The following LGALS8 variants were observed in gnomAD, a reference collection of about 807,000 sequenced individuals.
The protein encoded by LGALS8 is galectin 8, also known as galectin-8.
Under a neutral mutation model 35.9 loss-of-function variants are expected in LGALS8, and 30 were observed. The observed-to-expected ratio is 0.83, with a 90% CI of 0.62 to 1.13. The LOEUF is 1.13. LGALS8 is among the 50% of genes most tolerant of loss of function. The probability of loss-of-function intolerance (pLI) is 0.00; values close to 1 mark genes in which losing one functional copy is unlikely to be tolerated. For synonymous variants in LGALS8, 138 were observed against 136.1 expected, an observed-to-expected ratio of 1.01 and a Z score of -0.10; for missense variants, 366 against 388.7, an observed-to-expected ratio of 0.94 and a Z score of 0.49.
intron 9 of LGALS8, among the ~76,000 whole-genome samples, chr1:236,547,710 G>A (rs542587731): frequency 6.6e-6 from 1 of 152,312 alleles, no homozygotes; most frequent in Admixed American, 6.5e-5. Context: ...CCAGGAGCAA[G>A]GGGCAGGATG....
upstream of LGALS8, among the ~76,000 whole-genome samples, chr1:236,519,051 A>T (rs534889811): frequency 2.4e-4 from 36 of 152,228 alleles, 1 homozygote; most frequent in South Asian, 2.1e-4. Context: ...CTAGTTTTTT[A>T]AAAAATGTGG....
chr1:236,523,909 A>G (rs936942076), upstream of LGALS8: 4 of 355,300 alleles, frequency 1.1e-5, no homozygotes, highest in African/African-American at 4.3e-5. Flanking sequence ...TGGGGAGACC[A>G]CAGCAGTGAG....
chr1:236,539,285 G>A, intron 4 of LGALS8, 196 bp downstream of exon 4: 3 of 580,354 alleles, frequency 5.2e-6, no homozygotes, highest in Non-Finnish European at 9.4e-6. Flanking sequence ...CCAGCCAGTT[G>A]TTGCCATGCA....
Position 236,541,711 on chromosome 1 carries a change from G to T in LGALS8, c.522+1G>T. 1 of 1,469,998 alleles carries T rather than the reference G, an allele frequency of 6.8e-7. No individual in the cohort carries two copies. Among genetic ancestry groups the T allele is most frequent in the Non-Finnish European group, 9.3e-7 (1 of 1,075,556 alleles). The allele number at this position is 1,469,998 out of a possible 1,614,324, so 91.1% of individuals were successfully genotyped here. On this transcript the variant is annotated splice_donor_variant, in intron 6 of 9. Transcript: ENST00000366584. LOFTEE classifies it high-confidence loss of function. ...ACTGACAGAGATAAGTAGAGAAAAT[G>T]TAAATATTAAATCTTTTAATGAGCC...
chr1:236,523,111 T>G (rs371458299), upstream of LGALS8: 3 of 152,384 alleles, frequency 2.0e-5, no homozygotes, highest in African/African-American at 7.2e-5. Context: ...TATTTGTATT[T>G]CTGGCTGGTG....
rs1159774447 is a variant in LGALS8, at chr1:236,537,737, A to G, written c.134+152A>G. 4 of 667,422 alleles carry G rather than the reference A, an allele frequency of 6.0e-6. No homozygotes were observed. In the African/African-American group the frequency reaches 7.3e-5, roughly 12 times the overall value. The allele number at this position is 667,422 out of a possible 1,614,324, so 41.3% of individuals were successfully genotyped here. On this transcript the variant is annotated intron_variant, in intron 3 of 9. Coordinates refer to ENST00000366584, the MANE Select transcript of LGALS8 (RefSeq NM_201544.4). ...CTGGCCAAGGTGCTGAGGAGATTGG[A>G]ATGAATGACTAAATAAAGGTTATTG...
chr1:236,550,822 C>G lies in LGALS8; in HGVS notation c.*2661C>G. The G allele has an allele frequency of 9.2e-7, 1 of 1,083,040 alleles. No individual in the cohort carries two copies. Among genetic ancestry groups the G allele is most frequent in the East Asian group, 2.4e-5 (1 of 41,146 alleles). The allele number at this position is 1,083,040 out of a possible 1,614,324, so 67.1% of individuals were successfully genotyped here. On this transcript the variant is annotated 3_prime_UTR_variant, in exon 10 of 10. Transcript: ENST00000366584. ...AGGTGTATTAAGGCACCAAAAGTAA[C>G]ATGGCACCCAACACCCAAAAATAAA...
intron 7 of LGALS8, chr1:236,543,184 CA>C (rs554470388): frequency 1.1e-5 from 8 of 722,274 alleles, no homozygotes; most frequent in Non-Finnish European, 1.9e-5. Flanking sequence ...GAGAGTCAAC[CA>C]GGCCTGCCTC....
chr1:236,524,957 T>G (rs190237971), intron 1 of LGALS8, among the ~76,000 whole-genome samples: 115 of 152,274 alleles, frequency 7.6e-4, no homozygotes, highest in Admixed American at 1.6e-3. Flanking sequence ...AATGACAGAA[T>G]TGCTGGAAGT....
Position 236,540,574 on chromosome 1 carries a change from A to G in LGALS8, c.356A>G (p.Asn119Ser). 1.2e-6 allele frequency: 2 copies of G among 1,603,514 alleles called. No individual in the cohort carries two copies. The highest frequency in any genetic ancestry group is 1.7e-6 in the Non-Finnish European group (2 of 1,175,506). The change falls in exon 5 of 10, where the codon AAT becomes AGT. Residue 119 changes from asparagine to serine, a missense_variant. Asn to Ser is a conservative substitution (Grantham distance 46). Coordinates refer to ENST00000366584, the MANE Select transcript of LGALS8 (RefSeq NM_201544.4). ...TCTGTATCTCTCTAGGTGGCTGTAA[A>G]TGGAAAACATACTCTGCTCTATGGC... ...VLKDKFQVAV[N>S]GKHTLLYGHR...
chr1:236,547,947 C>T, intron 9 of LGALS8, 65 bp from the exon 10 acceptor site: 1 of 1,384,064 alleles, frequency 7.2e-7, no homozygotes, highest in African/African-American at 1.4e-5. Context: ...ACACCGTTAG[C>T]ATGTAACAAA....
Position 236,540,670 on chromosome 1 carries a change from T to G in LGALS8, c.452T>G (p.Phe151Cys). ...YGKVNIHSIG[F>C]SFSSDLQSTQ... ...AAAGTGAATATTCACTCAATTGGTTTTAGCTTCAGCTCGGTGAGTGACCTT... is the reference window on the plus strand; with the variant it reads ...AAAGTGAATATTCACTCAATTGGTTGTAGCTTCAGCTCGGTGAGTGACCTT... The change falls in exon 5 of 10, where the codon TTT becomes TGT. Residue 151 changes from phenylalanine (F) to cysteine (C), a missense_variant. Coordinates refer to ENST00000366584, the MANE Select transcript of LGALS8 (RefSeq NM_201544.4). 6.2e-7 allele frequency: 1 copy of G among 1,609,274 alleles called. No individual in the cohort carries two copies.
chr1:236,546,696 T>C (rs538922206), intron 9 of LGALS8, among the ~76,000 whole-genome samples: 1 of 152,388 alleles, frequency 6.6e-6, no homozygotes, highest in South Asian at 2.1e-4. Flanking sequence ...TCACTGGCTT[T>C]GCACTTGCTC....
intron 2 of LGALS8, among the ~76,000 whole-genome samples, chr1:236,530,901 C>T (rs1338560231): frequency 6.6e-6 from 1 of 152,150 alleles, no homozygotes; most frequent in East Asian, 1.9e-4. Context: ...AGTTTTACTC[C>T]CCAAGGGCAA....
chr1:236,544,096 C>A (rs1662207593), intron 8 of LGALS8, among the ~76,000 whole-genome samples: 1 of 152,018 alleles, frequency 6.6e-6, no homozygotes, highest in Non-Finnish European at 1.5e-5. Flanking sequence ...ACAGGCGCAC[C>A]ACCACGCCCA....
chr1:236,518,376 A>G (rs969306461), intron 1 of LGALS8: 1 of 152,100 alleles, frequency 6.6e-6, no homozygotes, highest in African/African-American at 2.4e-5. Context: ...GGTGTAGGGG[A>G]GATTAGGTCA....
intron 1 of LGALS8, chr1:236,524,283 G>C (rs761395382): frequency 3.5e-5 from 16 of 456,454 alleles, no homozygotes; most frequent in South Asian, 2.5e-4. Flanking sequence ...GGCGCTCCGG[G>C]GCATAAGGGA....
intron 2 of LGALS8, among the ~76,000 whole-genome samples, chr1:236,534,754 G>A (rs1481000271): frequency 6.6e-6 from 1 of 152,098 alleles, no homozygotes; most frequent in Admixed American, 6.6e-5. Context: ...TTGTGAACAA[G>A]GTATTAGAAG....
chr1:236,540,706 G>T, intron 5 of LGALS8, 23 bp downstream of exon 5: 1 of 1,583,104 alleles, frequency 6.3e-7, no homozygotes, highest in South Asian at 1.2e-5. Context: ...CCACAGCTTG[G>T]GGTCTTTTAT....
Sources: allele counts gnomAD v4.1 joint callset (sites outside exome capture counted in the v4.1 genomes callset), GRCh38; gene constraint gnomAD v4.1.1; transcripts MANE v1.5; gene names NCBI Gene and HGNC (gene_info 2026-07-23, HGNC 2026-07-21).